The following SLC9A3 variants were observed in gnomAD, a reference collection of about 807,000 sequenced individuals.
SLC9A3 encodes solute carrier family 9 member A3.
In SLC9A3, 37 loss-of-function variants were observed where a neutral mutation model predicts 86.8. That is an observed-to-expected ratio of 0.43 (90% CI 0.33 to 0.56). The LOEUF (loss-of-function observed/expected upper bound fraction) is 0.56. Ranked by LOEUF, SLC9A3 falls within the 20% of genes least tolerant of loss-of-function variation. The pLI is 0.06. For missense variants in SLC9A3, 1,011 were observed against 1,171.9 expected (o/e 0.86, Z 2.00); for synonymous variants, 581 against 528.3 (o/e 1.10, Z -1.37).
intron 1 of SLC9A3, among the ~76,000 whole-genome samples, chr5:500,195 G>T (rs1250984835): frequency 6.6e-6 from 1 of 152,246 alleles, no homozygotes; most frequent in Non-Finnish European, 1.5e-5. Context: ...CACTGTGAGG[G>T]AACCAGGCGG....
chr5:523,664 C>G (rs978455011), intron 1 of SLC9A3, among the ~76,000 whole-genome samples: 32 of 151,816 alleles, frequency 2.1e-4, no homozygotes, highest in African/African-American at 7.7e-4. Context: ...AGGGAGGATT[C>G]TGCTGGGTTT....
At chr5:500,443 C>T (rs1026596149) in intron 1 of SLC9A3, among the ~76,000 whole-genome samples, 18 of 152,312 alleles carry the variant, frequency 1.2e-4, no homozygotes, top group African/African-American at 4.3e-4. Context: ...GAAACACACA[C>T]CAAGCACGGA....
In SLC9A3 at chr5:476,619, C is replaced by T. The variant is rs146547322; in HGVS notation, c.1814G>A (p.Arg605Gln). 342 of 1,609,586 alleles carry T rather than the reference C, an allele frequency of 2.1e-4. No individual in the cohort carries two copies. The highest frequency in any genetic ancestry group is 1.4e-3 in the East Asian group (64 of 44,870). ...GTCCTCCGCGTCCCGGATGCTCCGC[C>T]GTCGCTGCTCCAGAGACTGCATGTC... is the stretch of plus-strand genomic sequence containing the variant. ...CLDMQSLEQR[R>Q]RSIRDAEDMV... The change falls in exon 12 of 17, where the codon CGG becomes CAG. Residue 605 changes from arginine (R) to glutamine (Q), a missense_variant. Around this residue, in one of 3 missense-constraint regions of SLC9A3, gnomAD observed 397 missense variants for 346.3 expected, o/e 1.15. Coordinates refer to ENST00000264938, the MANE Select transcript of SLC9A3 (RefSeq NM_004174.4).
rs1347160235 is a variant in SLC9A3 at position 482,234 on chromosome 5, G to C, written c.1357-77C>G. Reference sequence around the variant, plus strand: ...CTGGCCCGGCCAGGTGCACCACACAGAGCCACCTGCCCCGGGGCCCACAGG... The same window carrying C: ...CTGGCCCGGCCAGGTGCACCACACACAGCCACCTGCCCCGGGGCCCACAGG... On this transcript the variant is annotated intron_variant, in intron 7 of 16. Coordinates refer to ENST00000264938, the MANE Select transcript of SLC9A3 (RefSeq NM_004174.4). 1.3e-5 allele frequency: 15 copies of C among 1,143,228 alleles called. No homozygotes were observed. The South Asian group carries it at 1.5e-4, about 12-fold the overall frequency. 70.8% of individuals were successfully genotyped at this position (1,143,228 alleles called of 1,614,324 possible).
rs1738381447 is a variant in SLC9A3 at position 471,966 on chromosome 5, C to T, written c.*1413G>A. On this transcript the variant is annotated 3_prime_UTR_variant, in exon 17 of 17. Coordinates refer to ENST00000264938, the MANE Select transcript of SLC9A3 (RefSeq NM_004174.4). ...TGACTGGTGACTGTCAACACTTGAT[C>T]TGAAACGTGAATAGTTTAATTTTCC... The T allele has an allele frequency of 2.2e-6, 1 of 456,550 alleles. No individual in the cohort carries two copies. The highest frequency in any genetic ancestry group is 2.0e-5 in the African/African-American group (1 of 50,092). The allele number at this position is 456,550 out of a possible 1,614,324, so 28.3% of individuals were successfully genotyped here.
intron 1 of SLC9A3, among the ~76,000 whole-genome samples, chr5:509,150 A>G (rs547904672): frequency 4.1e-5 from 6 of 148,122 alleles, no homozygotes; most frequent in Admixed American, 1.4e-4. Context: ...AAAAAAAGAC[A>G]CATAAAGAAA....
intron 8 of SLC9A3, 59 bp from the exon 9 acceptor site, chr5:481,694 C>T (rs566708664): frequency 1.9e-5 from 26 of 1,392,326 alleles, no homozygotes; most frequent in Non-Finnish European, 2.5e-5. Context: ...ACATGAGGTG[C>T]CCCTCCACTC....
chr5:482,154 G>A lies in SLC9A3; in HGVS notation c.1360C>T (p.Leu454=). The change falls in exon 8 of 17, where the codon CTG becomes TTG. Residue 454 remains leucine, a synonymous_variant. Coordinates refer to ENST00000264938, the MANE Select transcript of SLC9A3 (RefSeq NM_004174.4). The part of the protein sequence containing the change: ...VVFFTVIFQG[L]TIKPLVQWLK... ...CACTGCACCAGAGGCTTGATGGTCA[G>A]GCCCTGGAGGACAGGGTCTCGTGAC... is the stretch of plus-strand genomic sequence containing the variant. 2 of 1,609,436 alleles carry A rather than the reference G, an allele frequency of 1.2e-6. No homozygotes were observed. Among genetic ancestry groups the A allele is most frequent in the Non-Finnish European group, 1.7e-6 (2 of 1,177,740 alleles).
chr5:483,431 C>T lies in SLC9A3; in HGVS notation c.984G>A (p.Ser328=), dbSNP rs778569549. Residue 328 remains serine, a synonymous_variant, in exon 6 of 17, where the codon TCG becomes TCA. Coordinates refer to ENST00000264938, the MANE Select transcript of SLC9A3 (RefSeq NM_004174.4). ...AGCGCACGGTGGTGGCCGACTGCTC[C>T]GAGATGTTGGCCTTCACATACTTCT... The part of the protein sequence containing the change: ...CCQKYVKANI[S]EQSATTVRYT... The T allele has an allele frequency of 2.4e-4, 374 of 1,576,586 alleles. No individual in the cohort carries two copies. The highest frequency in any genetic ancestry group is 2.8e-4 in the Non-Finnish European group (328 of 1,162,472).
At chr5:504,293 T>A (rs951643418) in intron 1 of SLC9A3, among the ~76,000 whole-genome samples, 3 of 152,058 alleles carry the variant, frequency 2.0e-5, no homozygotes, top group African/African-American at 7.2e-5. Flanking sequence ...AGCCCCCGCG[T>A]CCCGTGACCC....
Position 513,506 on chromosome 5 carries a change from G to A in SLC9A3, c.211+10606C>T, listed in dbSNP as rs1000518512. On this transcript the variant is annotated intron_variant, in intron 1 of 16. Coordinates refer to ENST00000264938, the MANE Select transcript of SLC9A3 (RefSeq NM_004174.4). ...GTTGGGCGGGAGGAGAGCGCCAGGT[G>A]CACGAGTGATACCCAGGGTCTGTGC... 2.6e-5 allele frequency among the ~76,000 whole-genome samples: 4 copies of A among 152,292 alleles called. No individual in the cohort carries two copies. The East Asian group carries it at 7.7e-4, about 29-fold the overall frequency.
In SLC9A3 at chr5:497,799, G is replaced by C. The variant is rs1448276094; in HGVS notation, c.212-5728C>G. Among the ~76,000 whole-genome samples the C allele has an allele frequency of 2.7e-5, 1 of 37,588 alleles. No individual in the cohort carries two copies. The highest frequency in any genetic ancestry group is 8.4e-4 in the East Asian group (1 of 1,196). 24.7% of individuals were successfully genotyped at this position (37,588 alleles called of 152,430 possible). ...GGCCGCATCCCCAGCCTCTGCCCCT[G>C]TCCCGGGTGGGGTCGCCCGGCCGCA... On this transcript the variant is annotated intron_variant, in intron 1 of 16. Transcript: ENST00000264938. This position sits in a 1 kb window ranked among gnomAD's most constrained non-coding sequence, Gnocchi z 5.4.
Position 482,710 on chromosome 5 carries a change from C to T in SLC9A3, c.1194G>A (p.Met398Ile). The stretch of plus-strand genomic sequence containing the variant: ...CCTGGTCAATGGGCTCCAGCTGCAC[C>T]ATGCGGTAGCGGTTCAGAAGCCAGG... ...LQTWLLNRYR[M>I]VQLEPIDQVV... Residue 398 changes from methionine (M) to isoleucine (I), a missense_variant, in exon 7 of 17, where the codon ATG becomes ATA. Met to Ile is a conservative substitution (Grantham distance 10). Coordinates refer to ENST00000264938, the MANE Select transcript of SLC9A3 (RefSeq NM_004174.4). 6.2e-7 allele frequency: 1 copy of T among 1,611,430 alleles called. No homozygotes were observed. The highest frequency in any genetic ancestry group is 8.5e-7 in the Non-Finnish European group (1 of 1,179,402).
intron 2 of SLC9A3, among the ~76,000 whole-genome samples, chr5:489,549 T>C (rs1439099601): frequency 6.6e-6 from 1 of 152,166 alleles, no homozygotes; most frequent in Non-Finnish European, 1.5e-5. Flanking sequence ...AACCCCGAGT[T>C]TGCTGTGAGC....
intron 1 of SLC9A3, among the ~76,000 whole-genome samples, chr5:511,630 C>T (rs990425708): frequency 4.6e-5 from 7 of 152,232 alleles, no homozygotes; most frequent in South Asian, 2.1e-4. Flanking sequence ...ACCCAGGACA[C>T]GGATAGCACC....
chr5:524,149 G>A lies in SLC9A3; in HGVS notation c.174C>T (p.Ile58=), dbSNP rs1186128235. The A allele has an allele frequency of 2.6e-6, 4 of 1,542,074 alleles. No individual in the cohort carries two copies. Among genetic ancestry groups the A allele is most frequent in the African/African-American group, 1.4e-5 (1 of 70,424 alleles). ...EWAHVQDPYV[I]ALWILVASLA... ...AGCTGGCCACGAGGATCCAGAGCGC[G>A]ATGACGTAGGGATCCTGCACGTGGG... The change falls in exon 1 of 17, where the codon ATC becomes ATT. Residue 58 remains isoleucine (I), a synonymous_variant. Coordinates refer to ENST00000264938, the MANE Select transcript of SLC9A3 (RefSeq NM_004174.4).
At chr5:519,373 G>C (rs1385276587) in intron 1 of SLC9A3, among the ~76,000 whole-genome samples, 3 of 152,192 alleles carry the variant, frequency 2.0e-5, no homozygotes, top group Non-Finnish European at 4.4e-5. Context: ...ATATGGTGAA[G>C]GGGTAGGTGC....
chr5:509,667 A>G (rs1332547084), intron 1 of SLC9A3, among the ~76,000 whole-genome samples: 1 of 152,170 alleles, frequency 6.6e-6, no homozygotes, highest in Non-Finnish European at 1.5e-5. Flanking sequence ...TTCCAGACTC[A>G]GTGAACTGCC....
chr5:483,682 G>A (rs1188243298), intron 5 of SLC9A3, among the ~76,000 whole-genome samples, 200 bp from the exon 6 acceptor site: 12 of 152,250 alleles, frequency 7.9e-5, no homozygotes, highest in Non-Finnish European at 1.6e-4. Context: ...CGGCATCACC[G>A]TCATGCAGAT....
Sources: allele counts gnomAD v4.1 joint callset (sites outside exome capture counted in the v4.1 genomes callset), GRCh38; gene constraint gnomAD v4.1.1; regional missense constraint gnomAD v4.1.1; non-coding constraint Gnocchi (gnomAD v3.1); transcripts MANE v1.5; gene names NCBI Gene and HGNC (gene_info 2026-07-23, HGNC 2026-07-21).